LRP1B: variants seen among roughly 807,000 people sequenced by gnomAD.
LRP1B encodes the protein LDL receptor related protein 1B, also known as low-density lipoprotein receptor-related protein 1B.
In LRP1B, 217 loss-of-function variants were observed where a neutral mutation model predicts 556.6. That is an observed-to-expected ratio of 0.39 (90% confidence interval 0.35 to 0.44). LRP1B has a LOEUF of 0.44. LRP1B is among the 20% of genes least tolerant of loss of function. The probability of loss-of-function intolerance (pLI) is 1.00; values close to 1 mark genes in which losing one functional copy is unlikely to be tolerated. For missense variants in LRP1B, 5,053 were observed against 5,620.8 expected, an observed-to-expected ratio of 0.90 and a Z score of 3.23; for synonymous variants, 2,047 against 1,865.8, an observed-to-expected ratio of 1.10 and a Z score of -2.50.
At chr2:141,421,402 G>C (rs1019884348) in intron 3 of LRP1B, among the ~76,000 whole-genome samples, 1 of 150,516 alleles carries the variant, frequency 6.6e-6, no homozygotes, top group Non-Finnish European at 1.5e-5. Context: ...AGTGGCGGGC[G>C]CCTGTAGTCC....
chr2:141,507,897 C>G (rs1683987783), intron 2 of LRP1B, among the ~76,000 whole-genome samples: 1 of 151,642 alleles, frequency 6.6e-6, no homozygotes. Flanking sequence ...TCCAGCCTGA[C>G]CAATATGGTG....
chr2:141,861,733 C>A (rs757903423), intron 1 of LRP1B, among the ~76,000 whole-genome samples: 1 of 152,094 alleles, frequency 6.6e-6, no homozygotes, highest in South Asian at 2.1e-4. Context: ...GGTTTGAGAA[C>A]AGCCTGGCCA....
intron 47 of LRP1B, among the ~76,000 whole-genome samples, chr2:140,527,613 TAACAC>T (rs1263986093): frequency 2.0e-5 from 3 of 151,898 alleles, no homozygotes; most frequent in Non-Finnish European, 4.4e-5. Context: ...TTAAAAATGA[TAACAC>T]AACATGTGAA....
intron 2 of LRP1B, among the ~76,000 whole-genome samples, chr2:141,544,368 T>TTCTTCTTCTTCTTCTTCTTCC (rs1559131476): frequency 3.6e-5 from 4 of 109,940 alleles, no homozygotes; most frequent in African/African-American, 1.3e-4. Flanking sequence ...CTTCTTCTTC[T>TTCTTCTTCTTCTTCTTCTTCC]TCTTCTTCTT....
At chr2:142,127,723 T>C (rs1449486) in intron 1 of LRP1B, among the ~76,000 whole-genome samples, 62,482 of 151,782 alleles carry the variant, frequency 0.41, 15,406 homozygotes, top group African/African-American at 0.69. Flanking sequence ...TGCCATTGTT[T>C]GATGGTTTTC....
At chr2:140,715,231 G>T (rs1048000287) in intron 37 of LRP1B, among the ~76,000 whole-genome samples, 3 of 151,938 alleles carry the variant, frequency 2.0e-5, no homozygotes, top group African/African-American at 7.2e-5. Flanking sequence ...TTCCTTGAAA[G>T]ATTTTAAGTA....
At chr2:140,325,033 ATATAAAAATT>A in intron 80 of LRP1B, among the ~76,000 whole-genome samples, 1 of 152,272 alleles carries the variant, frequency 6.6e-6, no homozygotes, top group Admixed American at 6.5e-5. Context: ...TAACATGCAA[ATATAAAAATT>A]TAAAGTGGAT....
chr2:140,256,983 A>G (rs1015436876), intron 86 of LRP1B, among the ~76,000 whole-genome samples: 4 of 151,002 alleles, frequency 2.6e-5, no homozygotes, highest in Non-Finnish European at 5.9e-5. Context: ...AACAGAAAAA[A>G]ATAGGCTTAA....
chr2:141,365,655 C>CTTTTTTTTTTTTTTTTGGCTCT (rs781538829), intron 3 of LRP1B, among the ~76,000 whole-genome samples: 10 of 121,130 alleles, frequency 8.3e-5, no homozygotes, highest in African/African-American at 1.6e-4. Context: ...GTTTTTGTTG[C>CTTTTTTTTTTTTTTTTGGCTCT]TTTTTTTTTT....
At chr2:141,069,199 C>T (rs574239208) in intron 7 of LRP1B, among the ~76,000 whole-genome samples, 5 of 152,008 alleles carry the variant, frequency 3.3e-5, no homozygotes, top group African/African-American at 1.2e-4. Context: ...TCTCATTCAC[C>T]TTTTTATTAT....
At chr2:140,508,072 A>G (rs1457773593) in intron 52 of LRP1B, among the ~76,000 whole-genome samples, 5 of 152,148 alleles carry the variant, frequency 3.3e-5, no homozygotes, top group African/African-American at 1.2e-4. Context: ...GTTCACTACA[A>G]TATTGTGGGA....
rs558927805 is a variant in LRP1B, at chr2:140,518,864, C to T, written c.8027-1853G>A. 1.6e-4 allele frequency among the ~76,000 whole-genome samples: 24 copies of T among 152,238 alleles called. No individual in the cohort carries two copies. In the East Asian group the frequency reaches 2.9e-3, roughly 18 times the overall value. ...ATGGGGTTTTCTAAATATACAATCA[C>T]GTCATCTGCAAACACGGACAATTTG... On this transcript the variant is annotated intron_variant, in intron 49 of 90. Coordinates refer to ENST00000389484, the MANE Select transcript of LRP1B (RefSeq NM_018557.3).
At chr2:141,371,805 A>G (rs977265365) in intron 3 of LRP1B, among the ~76,000 whole-genome samples, 2 of 152,140 alleles carry the variant, frequency 1.3e-5, no homozygotes, top group African/African-American at 4.8e-5. Context: ...AGATCACACC[A>G]TAAGTGAACA....
At chr2:141,573,589 T>C (rs1574093037) in intron 2 of LRP1B, among the ~76,000 whole-genome samples, 1 of 127,542 alleles carries the variant, frequency 7.8e-6, no homozygotes, top group South Asian at 2.4e-4. Context: ...AGAAAAAAAC[T>C]AAGATCAGAG....
chr2:141,969,674 T>C (rs537058392), intron 1 of LRP1B, among the ~76,000 whole-genome samples: 1 of 151,724 alleles, frequency 6.6e-6, no homozygotes, highest in African/African-American at 2.4e-5. Context: ...GTTAATTCCA[T>C]CTCCTGGCTA....
intron 2 of LRP1B, among the ~76,000 whole-genome samples, chr2:141,552,121 G>A (rs1459345328): frequency 1.3e-5 from 2 of 151,898 alleles, no homozygotes; most frequent in Non-Finnish European, 2.9e-5. Context: ...ATTATGCCAG[G>A]ATAGCTATGT....
intron 1 of LRP1B, among the ~76,000 whole-genome samples, chr2:142,074,125 C>T (rs1454210631): frequency 6.6e-6 from 1 of 152,040 alleles, no homozygotes; most frequent in Non-Finnish European, 1.5e-5. Flanking sequence ...GATTTCTCTT[C>T]ACTGCTTGTA....
At chr2:141,233,607 T>C (rs899353113) in intron 5 of LRP1B, among the ~76,000 whole-genome samples, 1 of 152,168 alleles carries the variant, frequency 6.6e-6, no homozygotes, top group African/African-American at 2.4e-5. Context: ...TGCAAGCCTA[T>C]CTTTATCTTC....
intron 3 of LRP1B, among the ~76,000 whole-genome samples, chr2:141,404,558 G>C (rs1690559709): frequency 6.6e-6 from 1 of 152,150 alleles, no homozygotes; most frequent in East Asian, 1.9e-4. Context: ...TTATAAATCT[G>C]AGTGTAGAAA....
Sources: gnomAD v4.1 joint callset for allele counts (sites outside exome capture counted in the v4.1 genomes callset) on GRCh38, gnomAD v4.1.1 for gene constraint, MANE v1.5 for transcripts, NCBI Gene and HGNC (gene_info 2026-07-23, HGNC 2026-07-21) for gene names.